CHIC2: variants seen among roughly 807,000 people sequenced by gnomAD.
CHIC2 encodes cysteine-rich hydrophobic domain-containing protein 2.
CHIC2 carries 14 observed loss-of-function variants against 25.9 expected under a neutral mutation model. The observed-to-expected ratio is 0.54, with a 90% CI of 0.36 to 0.85. CHIC2 has a LOEUF of 0.85. Among genes scored for constraint, CHIC2 ranks in the 40% least tolerant of loss-of-function variants. The probability of loss-of-function intolerance (pLI) is 0.01; values close to 1 mark genes in which losing one functional copy is unlikely to be tolerated. For missense variants in CHIC2, 146 were observed against 202.0 expected (o/e 0.72, Z 1.68); for synonymous variants, 70 against 72.0 (o/e 0.97, Z 0.14).
At chr4:54,087,195 G>A in the CHIC2 span, 1 of 688,790 alleles carries the variant, frequency 1.5e-6, no homozygotes. Flanking sequence ...GGCAGTACCA[G>A]CAAAGCACCT....
intron 3 of CHIC2, among the ~76,000 whole-genome samples, chr4:54,019,109 C>T (rs1320851261): frequency 1.3e-5 from 2 of 151,620 alleles, no homozygotes; most frequent in African/African-American, 4.8e-5. Flanking sequence ...CATAAGAGAA[C>T]TTAAGAGGAA....
chr4:54,049,393 A>C (rs994831564), intron 1 of CHIC2, 88 bp from the exon 2 acceptor site: 3 of 768,056 alleles, frequency 3.9e-6, no homozygotes, highest in Non-Finnish European at 6.1e-6. Context: ...AGTCAATAGA[A>C]AGCATTTTCA....
intron 3 of CHIC2, among the ~76,000 whole-genome samples, chr4:54,019,299 T>C (rs755141428): frequency 1.6e-4 from 24 of 152,166 alleles, no homozygotes; most frequent in Admixed American, 2.6e-4. Context: ...ATTCCTTTCC[T>C]GTACATTAAA....
chr4:54,089,222 A>G, the CHIC2 span, among the ~76,000 whole-genome samples: 28 of 152,162 alleles, frequency 1.8e-4, no homozygotes, highest in Non-Finnish European at 3.5e-4. Context: ...TAGATCTGCA[A>G]TCGGTTCTCC....
At chr4:54,085,046 G>A in the CHIC2 span, among the ~76,000 whole-genome samples, 4 of 149,502 alleles carry the variant, frequency 2.7e-5, no homozygotes, top group East Asian at 2.0e-4. Context: ...TAAATAAAGT[G>A]TTCTACTCCT....
chr4:54,061,519 T>TA (rs1289748923), intron 1 of CHIC2, among the ~76,000 whole-genome samples: 48 of 145,622 alleles, frequency 3.3e-4, no homozygotes, highest in Admixed American at 4.8e-4. Context: ...CAGCACCTAA[T>TA]AAAAAAAAAA....
At chr4:54,027,426 G>A (rs1406575043) in intron 3 of CHIC2, among the ~76,000 whole-genome samples, 4 of 152,116 alleles carry the variant, frequency 2.6e-5, no homozygotes, top group Non-Finnish European at 5.9e-5. Context: ...AAAACAAATT[G>A]TCACTAGTGT....
At chr4:54,022,606 C>T (rs1272614008) in intron 3 of CHIC2, among the ~76,000 whole-genome samples, 3 of 152,108 alleles carry the variant, frequency 2.0e-5, no homozygotes. Flanking sequence ...CCTGACTATT[C>T]CTAAGCTACA....
intron 3 of CHIC2, among the ~76,000 whole-genome samples, chr4:54,022,747 A>G (rs932900242): frequency 6.6e-6 from 1 of 151,892 alleles, no homozygotes; most frequent in Non-Finnish European, 1.5e-5. Context: ...CATGCCCCTT[A>G]CCATCCCATT....
At chr4:54,053,095 G>T (rs909908313) in intron 1 of CHIC2, among the ~76,000 whole-genome samples, 1 of 152,054 alleles carries the variant, frequency 6.6e-6, no homozygotes, top group Non-Finnish European at 1.5e-5. Flanking sequence ...TTCATTTTTA[G>T]ATTTATTTAT....
At chr4:54,041,243 G>A (rs1168594333) in intron 3 of CHIC2, among the ~76,000 whole-genome samples, 1 of 151,856 alleles carries the variant, frequency 6.6e-6, no homozygotes, top group Non-Finnish European at 1.5e-5. Context: ...TGCATATCAA[G>A]TATGCCTTTG....
At chr4:54,036,564 A>T (rs1716391491) in intron 3 of CHIC2, among the ~76,000 whole-genome samples, 1 of 152,186 alleles carries the variant, frequency 6.6e-6, no homozygotes, top group East Asian at 1.9e-4. Flanking sequence ...CCCATGATCC[A>T]ATCACCTTCC....
intron 3 of CHIC2, among the ~76,000 whole-genome samples, chr4:54,034,321 T>C (rs534516950): frequency 7.2e-5 from 11 of 151,964 alleles, no homozygotes; most frequent in Non-Finnish European, 1.2e-4. Flanking sequence ...GGAGAATCGC[T>C]TGAACCTGGG....
chr4:54,010,049 T>C lies in CHIC2; in HGVS notation c.*46A>G, dbSNP rs370120114. ...CAGGAGAGCACCAAGCAAGGCACCATTGGAAAGACAACATACTTGGAAAGT... is the reference window on the plus strand; with the variant it reads ...CAGGAGAGCACCAAGCAAGGCACCACTGGAAAGACAACATACTTGGAAAGT... On this transcript the variant is annotated 3_prime_UTR_variant, in exon 6 of 6. Transcript: ENST00000263921. 68 of 1,356,332 alleles carry C rather than the reference T, an allele frequency of 5.0e-5. No homozygotes were observed. Among genetic ancestry groups the C allele is most frequent in the African/African-American group, 8.7e-5 (6 of 69,076 alleles). 84.0% of individuals were successfully genotyped at this position (1,356,332 alleles called of 1,614,324 possible).
the CHIC2 span, among the ~76,000 whole-genome samples, chr4:54,073,025 G>A: frequency 1.1e-4 from 16 of 151,990 alleles, no homozygotes; most frequent in Middle Eastern, 3.4e-3. Context: ...CCGAGATCGT[G>A]CCACTGCACT....
At chr4:54,087,449 T>A in the CHIC2 span, 1 of 656,202 alleles carries the variant, frequency 1.5e-6, no homozygotes, top group Non-Finnish European at 2.5e-6. Context: ...TAATAAGGCA[T>A]AGGCAGTTAA....
At chr4:54,042,010 TAA>T (rs769381790) in intron 3 of CHIC2, among the ~76,000 whole-genome samples, 4 of 135,124 alleles carry the variant, frequency 3.0e-5, no homozygotes, top group Non-Finnish European at 1.6e-5. Flanking sequence ...AAGTATAATT[TAA>T]AAAAAAAAAA....
chr4:54,054,647 G>T (rs1332057284), intron 1 of CHIC2, among the ~76,000 whole-genome samples: 1 of 152,152 alleles, frequency 6.6e-6, no homozygotes, highest in African/African-American at 2.4e-5. Context: ...CCTATACTTT[G>T]GCTAATTAGA....
chr4:54,056,782 G>A (rs770460095), intron 1 of CHIC2, among the ~76,000 whole-genome samples: 1 of 152,164 alleles, frequency 6.6e-6, no homozygotes, highest in East Asian at 1.9e-4. Context: ...GGATGCAACT[G>A]AGTTTTAAAT....
Sources: allele counts gnomAD v4.1 joint callset (sites outside exome capture counted in the v4.1 genomes callset), GRCh38; gene constraint gnomAD v4.1.1; transcripts MANE v1.5; gene names NCBI Gene and HGNC (gene_info 2026-07-23, HGNC 2026-07-21).